Variants in CCDC62 observed in about 807,000 individuals in gnomAD.
CCDC62 encodes the protein coiled-coil domain containing 62.
A neutral mutation model predicts 80.8 loss-of-function variants in CCDC62; 72 were observed. The observed-to-expected ratio is 0.89, with a 90% CI of 0.74 to 1.08. The LOEUF (loss-of-function observed/expected upper bound fraction) is 1.08. CCDC62 is among the 50% of genes least tolerant of loss of function. The pLI, the probability that CCDC62 is intolerant of heterozygous loss-of-function variation, is 0.00. For missense variants in CCDC62, 704 were observed against 809.4 expected (o/e 0.87, Z 1.58); for synonymous variants, 286 against 296.5 (o/e 0.96, Z 0.36).
chr12:122,812,303 G>T (rs1356943731), intron 10 of CCDC62, among the ~76,000 whole-genome samples: 1 of 151,602 alleles, frequency 6.6e-6, no homozygotes, highest in South Asian at 2.1e-4. Context: ...TTAGCCAGGT[G>T]TGGTGGCGGG....
At chr12:122,815,136 G>T (rs1005352167) in intron 11 of CCDC62, among the ~76,000 whole-genome samples, 1 of 151,902 alleles carries the variant, frequency 6.6e-6, no homozygotes, top group African/African-American at 2.4e-5. Flanking sequence ...TGTCACCCAG[G>T]CTGGAATGCA....
intron 6 of CCDC62, among the ~76,000 whole-genome samples, chr12:122,793,514 A>C (rs2030756534): frequency 8.5e-6 from 1 of 117,350 alleles, no homozygotes; most frequent in Non-Finnish European, 1.7e-5. Context: ...AGGGAATGGA[A>C]TGCAGTTTGT....
chr12:122,802,403 C>G (rs1234581146), intron 9 of CCDC62, among the ~76,000 whole-genome samples: 1 of 148,340 alleles, frequency 6.7e-6, no homozygotes, highest in South Asian at 2.1e-4. Context: ...GAGACCCTAT[C>G]TCTACACTTT....
chr12:122,824,011 T>C (rs2032513086), intron 12 of CCDC62, among the ~76,000 whole-genome samples: 2 of 151,996 alleles, frequency 1.3e-5, no homozygotes, highest in Admixed American at 1.3e-4. Flanking sequence ...TTATTCTCAA[T>C]ACCTAGAATT....
At chr12:122,825,451 A>T (rs2135601732) in intron 12 of CCDC62, among the ~76,000 whole-genome samples, 1 of 146,052 alleles carries the variant, frequency 6.8e-6, no homozygotes, top group East Asian at 2.1e-4. Context: ...GGTTCAAGCG[A>T]TTCTCCTGCT....
chr12:122,821,905 C>T (rs1004778813), intron 11 of CCDC62, among the ~76,000 whole-genome samples: 5 of 151,770 alleles, frequency 3.3e-5, no homozygotes, highest in East Asian at 3.9e-4. Flanking sequence ...GATTTAGAAC[C>T]GATTCATTTA....
chr12:122,809,182 C>G (rs1052055997), intron 10 of CCDC62, among the ~76,000 whole-genome samples: 1 of 152,240 alleles, frequency 6.6e-6, no homozygotes, highest in African/African-American at 2.4e-5. Flanking sequence ...CTGCACTATG[C>G]GAACAAAACA....
intron 6 of CCDC62, among the ~76,000 whole-genome samples, chr12:122,793,681 C>T (rs1471045413): frequency 1.3e-5 from 2 of 152,070 alleles, no homozygotes; most frequent in African/African-American, 4.8e-5. Flanking sequence ...TCTCTAGCTC[C>T]TGGGATCAAG....
intron 6 of CCDC62, among the ~76,000 whole-genome samples, chr12:122,794,804 G>A (rs898222962): frequency 6.6e-6 from 1 of 151,938 alleles, no homozygotes. Flanking sequence ...CTACAGGCAT[G>A]TGTCATCACA....
intron 1 of CCDC62, among the ~76,000 whole-genome samples, chr12:122,775,164 C>T (rs1349462672): frequency 6.6e-6 from 1 of 150,662 alleles, no homozygotes; most frequent in Non-Finnish European, 1.5e-5. Context: ...GTTTCCTTAA[C>T]CCAATAACAC....
At chr12:122,825,652 A>G (rs7487095) in intron 12 of CCDC62, among the ~76,000 whole-genome samples, 131,910 of 149,056 alleles carry the variant, frequency 0.88, 58,685 homozygotes, top group East Asian at 0.98. Flanking sequence ...CCCCACGCCT[A>G]GCCAAGAAGT....
intron 8 of CCDC62, among the ~76,000 whole-genome samples, chr12:122,799,703 G>T (rs1322482917): frequency 6.6e-6 from 1 of 152,184 alleles, no homozygotes; most frequent in East Asian, 1.9e-4. Context: ...GCTCCCCATG[G>T]CTGTTTGGAA....
At chr12:122,787,652 G>A (rs1045788283) in intron 4 of CCDC62, among the ~76,000 whole-genome samples, 1 of 151,942 alleles carries the variant, frequency 6.6e-6, no homozygotes, top group East Asian at 1.9e-4. Context: ...TCAGGAGGCT[G>A]AGGCAGGAGA....
intron 11 of CCDC62, among the ~76,000 whole-genome samples, chr12:122,822,060 A>AACACACACACACACACAC (rs58108370): frequency 0.049 from 5,664 of 115,660 alleles, 255 homozygotes; most frequent in South Asian, 0.087. Flanking sequence ...TATAAATTTA[A>AACACACACACACACACAC]ACACACACAC....
At chr12:122,786,885 G>A (rs2030277712) in intron 4 of CCDC62, among the ~76,000 whole-genome samples, 1 of 152,080 alleles carries the variant, frequency 6.6e-6, no homozygotes, top group Admixed American at 6.5e-5. Flanking sequence ...GCATGAACCT[G>A]GGAGGCGGAG....
intron 10 of CCDC62, among the ~76,000 whole-genome samples, chr12:122,807,005 G>A (rs1161191470): frequency 1.3e-5 from 2 of 152,046 alleles, no homozygotes; most frequent in Non-Finnish European, 2.9e-5. Context: ...TGGTGGGCTT[G>A]CTTACAGATT....
chr12:122,793,407 A>G (rs1438213239), intron 6 of CCDC62, among the ~76,000 whole-genome samples: 4 of 152,144 alleles, frequency 2.6e-5, no homozygotes, highest in African/African-American at 4.8e-5. Flanking sequence ...AGGGATGTCA[A>G]CAAGCTCTCT....
chr12:122,781,179 G>T lies in CCDC62; in HGVS notation c.245G>T (p.Arg82Ile). The part of the protein sequence containing the change: ...CSKLEGELHK[R>I]TEIIRSLTKK... ...CTTCCCTCAGGTGAACTACATAAAA[G>T]AACTGAAATAATCAGGTCACTCACG... Residue 82 changes from arginine (R) to isoleucine (I), a missense_variant, in exon 3 of 13, where the codon AGA becomes ATA. Arg to Ile is a moderately conservative substitution (Grantham distance 97). Transcript: ENST00000253079. 6.2e-7 allele frequency: 1 copy of T among 1,613,090 alleles called. No homozygotes were observed. Among genetic ancestry groups the T allele is most frequent in the Non-Finnish European group, 8.5e-7 (1 of 1,179,702 alleles).
At chr12:122,816,869 A>G (rs1224590993) in intron 11 of CCDC62, among the ~76,000 whole-genome samples, 1 of 152,094 alleles carries the variant, frequency 6.6e-6, no homozygotes, top group Non-Finnish European at 1.5e-5. Flanking sequence ...GAATATTTTA[A>G]TCACCCCAAA....
Sources: allele counts gnomAD v4.1 joint callset (sites outside exome capture counted in the v4.1 genomes callset), GRCh38; gene constraint gnomAD v4.1.1; transcripts MANE v1.5; gene names NCBI Gene and HGNC (gene_info 2026-07-23, HGNC 2026-07-21).